Variants in CFAP61 observed in about 807,000 individuals in gnomAD.
CFAP61 encodes cilia and flagella associated protein 61.
Under a neutral mutation model 135.6 loss-of-function variants are expected in CFAP61, and 107 were observed. That is an observed-to-expected ratio of 0.79 (90% confidence interval 0.67 to 0.93). The LOEUF (loss-of-function observed/expected upper bound fraction) is 0.93. CFAP61 is among the 40% of genes least tolerant of loss of function. The probability of loss-of-function intolerance (pLI) is 0.00; values close to 1 mark genes in which losing one functional copy is unlikely to be tolerated. For synonymous variants in CFAP61, 575 were observed against 578.5 expected, an observed-to-expected ratio of 0.99 and a Z score of 0.09; for missense variants, 1,507 against 1,556.2, an observed-to-expected ratio of 0.97 and a Z score of 0.53.
intron 24 of CFAP61, among the ~76,000 whole-genome samples, chr20:20,296,356 T>C (rs1349060026): frequency 7.1e-4 from 35 of 49,520 alleles, no homozygotes; most frequent in Non-Finnish European, 8.9e-4. Context: ...TCCTTCCTTC[T>C]TTCCTTTCTT....
Position 20,156,958 on chromosome 20 carries a change from A to G in CFAP61, c.952-2412A>G, listed in dbSNP as rs78319509. Among the ~76,000 whole-genome samples, 107 of 152,360 alleles carry G rather than the reference A, an allele frequency of 7.0e-4. No homozygotes were observed. In the East Asian group the frequency reaches 0.018, roughly 26 times the overall value. On this transcript the variant is annotated intron_variant, in intron 9 of 26. Coordinates refer to ENST00000245957, the MANE Select transcript of CFAP61 (RefSeq NM_015585.4). ...AATCACATTTTCAGCAGGAATTTTT[A>G]TAGAAGTTTAATTAATTGATTCCAA...
intron 17 of CFAP61, among the ~76,000 whole-genome samples, chr20:20,221,436 C>T (rs2048393980): frequency 6.6e-6 from 1 of 152,146 alleles, no homozygotes; most frequent in Non-Finnish European, 1.5e-5. Context: ...TTCATCAAAT[C>T]TAAGTTGCTA....
chr20:20,265,644 G>A, intron 21 of CFAP61: 2 of 647,804 alleles, frequency 3.1e-6, no homozygotes, highest in Non-Finnish European at 5.6e-6. Flanking sequence ...TCCAGGTCTG[G>A]TGCTTAATGA....
chr20:20,287,105 T>G (rs2054638807), intron 22 of CFAP61, among the ~76,000 whole-genome samples: 1 of 151,638 alleles, frequency 6.6e-6, no homozygotes, highest in African/African-American at 2.4e-5. Flanking sequence ...AAAAAAGGAG[T>G]GTAGGGAGAC....
rs149189583 is a variant in CFAP61, at chr20:20,286,481, T to G, written c.2797-2128T>G. On this transcript the variant is annotated intron_variant, in intron 22 of 26. Transcript: ENST00000245957. ...TCTGAATGCATGAATGAATGAAGTT[T>G]ATCAGACTACTGACTCCCACCCTTC... Among the ~76,000 whole-genome samples, 450 of 152,362 alleles carry G rather than the reference T, an allele frequency of 3.0e-3. 3 individuals carry two copies. The highest frequency in any genetic ancestry group is 0.01 in the African/African-American group (426 of 41,588).
At chr20:20,085,536 G>A (rs1358841119) in intron 6 of CFAP61, 1 of 1,366,330 alleles carries the variant, frequency 7.3e-7, no homozygotes, top group South Asian at 1.1e-5. Flanking sequence ...TTCGTGTTGA[G>A]GTATGATTAT....
chr20:20,108,724 T>TA (rs2048580102), intron 8 of CFAP61, among the ~76,000 whole-genome samples: 1 of 152,062 alleles, frequency 6.6e-6, no homozygotes, highest in Admixed American at 6.5e-5. Context: ...AAGTTGCAGA[T>TA]ACGTTTTTTT....
intron 8 of CFAP61, among the ~76,000 whole-genome samples, chr20:20,140,275 G>A (rs976422234): frequency 1.3e-5 from 2 of 150,932 alleles, no homozygotes; most frequent in African/African-American, 4.9e-5. Context: ...CATATGCCAT[G>A]CTGGTGTGCT....
At chr20:20,108,229 A>G (rs1315265888) in intron 8 of CFAP61, among the ~76,000 whole-genome samples, 2 of 152,224 alleles carry the variant, frequency 1.3e-5, no homozygotes, top group Non-Finnish European at 2.9e-5. Context: ...AGTACAATTT[A>G]GTCATGGTTA....
At position 20,199,847 on chromosome 20, in the gene CFAP61, A is replaced by G. The variant is rs2056515414; in HGVS notation, c.1877A>G (p.Tyr626Cys). The stretch of plus-strand genomic sequence containing the variant: ...GTGCGACCACGACGACAGATTGTCT[A>G]TCCTCTGGAAAAGCTTGGCATAAAC... Reference protein sequence around the residue: ...VPVRPRRQIVYPLEKLGINAP... With the variant: ...VPVRPRRQIVCPLEKLGINAP... Residue 626 changes from tyrosine (Y) to cysteine (C), a missense_variant, in exon 17 of 27, where the codon TAT becomes TGT. Tyr to Cys is a radical substitution (Grantham distance 194). Transcript: ENST00000245957. 1 of 1,614,028 alleles carries G rather than the reference A, an allele frequency of 6.2e-7. No individual in the cohort carries two copies. The highest frequency in any genetic ancestry group is 1.3e-5 in the African/African-American group (1 of 74,918).
At chr20:20,137,122 C>G (rs572395702) in intron 8 of CFAP61, among the ~76,000 whole-genome samples, 3 of 152,202 alleles carry the variant, frequency 2.0e-5, no homozygotes, top group African/African-American at 7.2e-5. Flanking sequence ...GTCTCTCTCT[C>G]TGTGTTGAGC....
intron 9 of CFAP61, among the ~76,000 whole-genome samples, chr20:20,147,081 A>G (rs2051952653): frequency 6.6e-6 from 1 of 152,216 alleles, no homozygotes; most frequent in Non-Finnish European, 1.5e-5. Flanking sequence ...ACATTATTTC[A>G]TTCCTTTCTA....
At chr20:20,102,197 C>CTT (rs1468850071) in intron 8 of CFAP61, among the ~76,000 whole-genome samples, 3 of 152,198 alleles carry the variant, frequency 2.0e-5, no homozygotes, top group Admixed American at 2.0e-4. Context: ...CCTGCTGGTG[C>CTT]TTTCTCCATT....
At chr20:20,145,195 G>A (rs576786344) in intron 9 of CFAP61, among the ~76,000 whole-genome samples, 2 of 151,914 alleles carry the variant, frequency 1.3e-5, no homozygotes, top group African/African-American at 2.4e-5. Context: ...CAAAAATAGC[G>A]CCGGGTTTAT....
intron 13 of CFAP61, among the ~76,000 whole-genome samples, chr20:20,173,162 T>TCTA (rs1354072657): frequency 6.6e-6 from 1 of 152,238 alleles, no homozygotes; most frequent in Non-Finnish European, 1.5e-5. Flanking sequence ...CCACAGTGTG[T>TCTA]CTACCCATTT....
At chr20:20,078,536 GA>G (rs1269504295) in intron 6 of CFAP61, among the ~76,000 whole-genome samples, 1 of 152,200 alleles carries the variant, frequency 6.6e-6, no homozygotes, top group Non-Finnish European at 1.5e-5. Flanking sequence ...AATAGAAACA[GA>G]GGGAGAAGCC....
chr20:20,271,148 T>G (rs1235593806), intron 21 of CFAP61, among the ~76,000 whole-genome samples: 1 of 152,004 alleles, frequency 6.6e-6, no homozygotes, highest in Admixed American at 6.6e-5. Flanking sequence ...TTTTAAAAAC[T>G]AGCCAGGCAT....
intron 23 of CFAP61, among the ~76,000 whole-genome samples, chr20:20,289,695 G>A (rs2054863868): frequency 6.6e-6 from 1 of 152,156 alleles, no homozygotes; most frequent in Non-Finnish European, 1.5e-5. Context: ...TCCTAACTAG[G>A]CAGCCCCACA....
At chr20:20,351,231 T>C (rs2058822312) in intron 26 of CFAP61, among the ~76,000 whole-genome samples, 1 of 151,930 alleles carries the variant, frequency 6.6e-6, no homozygotes, top group Admixed American at 6.6e-5. Flanking sequence ...CAAAAAACTT[T>C]TGGAACTGAT....
Sources: gnomAD v4.1 joint callset for allele counts (sites outside exome capture counted in the v4.1 genomes callset) on GRCh38, gnomAD v4.1.1 for gene constraint, MANE v1.5 for transcripts, NCBI Gene and HGNC (gene_info 2026-07-23, HGNC 2026-07-21) for gene names.